LMX1A: variants seen among roughly 807,000 people sequenced by gnomAD.
LMX1A encodes the protein LIM homeobox transcription factor 1 alpha, also known as LIM homeobox transcription factor 1-alpha.
LMX1A carries 15 observed loss-of-function variants against 49.1 expected under a neutral mutation model. The observed-to-expected ratio is 0.31, with a 90% confidence interval of 0.20 to 0.47. LMX1A has a LOEUF of 0.47. LMX1A is among the 20% of genes least tolerant of loss of function. LMX1A has a pLI of 1.00. For missense variants in LMX1A, 372 were observed against 475.8 expected (o/e 0.78, Z 2.03); for synonymous variants, 167 against 185.7 (o/e 0.90, Z 0.82).
chr1:165,253,087 C>T (rs1008378926), intron 3 of LMX1A, among the ~76,000 whole-genome samples: 2 of 152,216 alleles, frequency 1.3e-5, no homozygotes. Flanking sequence ...TACTGAGTGT[C>T]TGTTATGTGG....
In LMX1A at chr1:165,203,791, C is replaced by G; in HGVS notation, c.*89G>C. The G allele has an allele frequency of 7.6e-7, 1 of 1,317,790 alleles. No homozygotes were observed. The highest frequency in any genetic ancestry group is 1.1e-6 in the Non-Finnish European group (1 of 932,826). The allele number at this position is 1,317,790 out of a possible 1,614,324, so 81.6% of individuals were successfully genotyped here. The stretch of plus-strand genomic sequence containing the variant: ...AAACTCCCTCCCCAACCCACCTCTT[C>G]CCTGGCCTCCCTGTCCTAAAGCCAG... On this transcript the variant is annotated 3_prime_UTR_variant, in exon 9 of 9. Transcript: ENST00000342310.
At chr1:165,323,748 C>T (rs79006217) in intron 3 of LMX1A, among the ~76,000 whole-genome samples, 12 of 152,250 alleles carry the variant, frequency 7.9e-5, no homozygotes, top group Non-Finnish European at 1.6e-4. Context: ...TAAGTCCTTG[C>T]GTGTTTAATT....
intron 3 of LMX1A, among the ~76,000 whole-genome samples, chr1:165,297,807 G>A (rs529009782): frequency 3.9e-5 from 6 of 152,278 alleles, no homozygotes; most frequent in Admixed American, 3.3e-4. Flanking sequence ...TGGAGTCAGC[G>A]TAACTGAGCC....
At chr1:165,266,647 G>T (rs1217192281) in intron 3 of LMX1A, among the ~76,000 whole-genome samples, 4 of 131,214 alleles carry the variant, frequency 3.0e-5, no homozygotes, top group Admixed American at 1.8e-4. Context: ...TCTCGCCCAG[G>T]TTGGAGTGCA....
intron 3 of LMX1A, among the ~76,000 whole-genome samples, chr1:165,337,982 T>G (rs1655954931): frequency 6.6e-6 from 1 of 151,776 alleles, no homozygotes; most frequent in Non-Finnish European, 1.5e-5. Context: ...TGAGGATTGA[T>G]TCACCCCTTA....
At chr1:165,348,018 T>C (rs13374068) in intron 3 of LMX1A, among the ~76,000 whole-genome samples, 30,743 of 143,574 alleles carry the variant, frequency 0.21, 3,456 homozygotes, top group African/African-American at 0.29. Flanking sequence ...AAATTAGTAA[T>C]GGTCTTTTGA....
chr1:165,280,199 A>G (rs1654104778), intron 3 of LMX1A, among the ~76,000 whole-genome samples: 1 of 152,200 alleles, frequency 6.6e-6, no homozygotes, highest in African/African-American at 2.4e-5. Flanking sequence ...CTTTGCAGCC[A>G]GGGTCCCCAT....
chr1:165,355,818 C>T lies in LMX1A; in HGVS notation c.-22-237G>A. ...CGTTATGTACTTAGGCCTCCGCCCC[C>T]CAACTGCGTTTCTCCTTCTCCTGCC... On this transcript the variant is annotated intron_variant, in intron 1 of 8. Coordinates refer to ENST00000342310, the MANE Select transcript of LMX1A (RefSeq NM_177398.4). The surrounding 1 kb of genome is among the most constrained non-coding windows in gnomAD (Gnocchi z 4.7). 2 of 501,648 alleles carry T rather than the reference C, an allele frequency of 4.0e-6. No individual in the cohort carries two copies. Among genetic ancestry groups the T allele is most frequent in the Non-Finnish European group, 7.1e-6 (2 of 282,752 alleles). 31.1% of individuals were successfully genotyped at this position (501,648 alleles called of 1,614,324 possible). A position where few individuals can be genotyped will look rare whatever the true frequency, so the allele number is the denominator to read the frequency against.
intron 3 of LMX1A, among the ~76,000 whole-genome samples, chr1:165,272,204 C>T (rs1653816452): frequency 6.6e-6 from 1 of 152,162 alleles, no homozygotes; most frequent in Non-Finnish European, 1.5e-5. Flanking sequence ...CTCCCACCAG[C>T]CAGGCCCAGG....
rs1205064725 is a variant in LMX1A at position 165,244,517 on chromosome 1, G to C, written c.496+4891C>G. 2.0e-5 allele frequency among the ~76,000 whole-genome samples: 3 copies of C among 152,138 alleles called. No homozygotes were observed. In the East Asian group the frequency reaches 5.8e-4, roughly 29 times the overall value. On this transcript the variant is annotated intron_variant, in intron 4 of 8. Transcript: ENST00000342310. Reference sequence around the variant, plus strand: ...GTGTCAGAATTAAATTGAATTAAGGGATACCCAGCTGGTGTCCACTGGAGA... The same window carrying C: ...GTGTCAGAATTAAATTGAATTAAGGCATACCCAGCTGGTGTCCACTGGAGA...
intron 3 of LMX1A, among the ~76,000 whole-genome samples, chr1:165,258,905 G>A (rs1173258004): frequency 1.3e-5 from 2 of 152,142 alleles, no homozygotes; most frequent in Non-Finnish European, 2.9e-5. Context: ...AAACTCTCTT[G>A]GAGCCTCGGC....
chr1:165,303,931 C>A (rs568120359), intron 3 of LMX1A, among the ~76,000 whole-genome samples: 1 of 152,010 alleles, frequency 6.6e-6, no homozygotes, highest in Non-Finnish European at 1.5e-5. Context: ...GATTACCCCA[C>A]GCCAGAGATT....
intron 4 of LMX1A, among the ~76,000 whole-genome samples, chr1:165,233,432 G>A (rs998220641): frequency 6.6e-6 from 1 of 152,148 alleles, no homozygotes; most frequent in Non-Finnish European, 1.5e-5. Flanking sequence ...TCTAGCCTGG[G>A]TGACAGAAGG....
chr1:165,350,741 G>T (rs1023355981), intron 3 of LMX1A, among the ~76,000 whole-genome samples: 11 of 152,172 alleles, frequency 7.2e-5, no homozygotes, highest in African/African-American at 2.4e-5. Context: ...CAACTGATGG[G>T]CTAAGCACAG....
intron 3 of LMX1A, among the ~76,000 whole-genome samples, chr1:165,312,406 A>C (rs1655101317): frequency 6.6e-6 from 1 of 152,068 alleles, no homozygotes; most frequent in Admixed American, 6.5e-5. Flanking sequence ...GATTAAAGAC[A>C]TCTGGTTATA....
intron 4 of LMX1A, among the ~76,000 whole-genome samples, chr1:165,217,118 T>C (rs1651669092): frequency 6.6e-6 from 1 of 152,218 alleles, no homozygotes; most frequent in Non-Finnish European, 1.5e-5. Context: ...TGTTCATTTC[T>C]CTCTCTTTGC....
intron 3 of LMX1A, among the ~76,000 whole-genome samples, chr1:165,255,022 A>G (rs1653188163): frequency 6.6e-6 from 1 of 152,152 alleles, no homozygotes; most frequent in African/African-American, 2.4e-5. Flanking sequence ...GAGACTAAGC[A>G]CTCAGTGCTG....
At chr1:165,286,051 A>G (rs1444823223) in intron 3 of LMX1A, among the ~76,000 whole-genome samples, 5 of 152,294 alleles carry the variant, frequency 3.3e-5, no homozygotes, top group Middle Eastern at 3.4e-3. Context: ...TACAGGGGGA[A>G]GTGGAATTGG....
At chr1:165,224,537 T>C (rs1651968457) in intron 4 of LMX1A, among the ~76,000 whole-genome samples, 1 of 152,188 alleles carries the variant, frequency 6.6e-6, no homozygotes, top group Non-Finnish European at 1.5e-5. Flanking sequence ...AGCATTATAA[T>C]TTTGTGTGTC....
Sources: allele counts gnomAD v4.1 joint callset (sites outside exome capture counted in the v4.1 genomes callset), GRCh38; gene constraint gnomAD v4.1.1; non-coding constraint Gnocchi (gnomAD v3.1); transcripts MANE v1.5; gene names NCBI Gene and HGNC (gene_info 2026-07-23, HGNC 2026-07-21).